Variants in COL7A1 observed in about 807,000 individuals in gnomAD.
COL7A1 encodes the protein collagen type VII alpha 1 chain.
Under a neutral mutation model 456.2 loss-of-function variants are expected in COL7A1, and 296 were observed. The ratio of observed to expected loss-of-function variants is 0.65; its 90% CI spans 0.59 to 0.71. The LOEUF (loss-of-function observed/expected upper bound fraction) is 0.71, where lower values mean the gene tolerates loss of function less well. Ranked by LOEUF, COL7A1 falls within the 30% of genes least tolerant of loss-of-function variation. The pLI is 0.00. For synonymous variants in COL7A1, 1,464 were observed against 1,525.9 expected, an observed-to-expected ratio of 0.96 and a Z score of 0.95; for missense variants, 3,441 against 4,017.2, an observed-to-expected ratio of 0.86 and a Z score of 3.88.
rs1362743434 is a variant in COL7A1, at chr3:48,590,254, C to T, written c.2009G>A (p.Gly670Asp). The change falls in exon 16 of 119, where the codon GGC becomes GAC. Residue 670 changes from glycine (G) to aspartate (D), a missense_variant. This residue lies in a region of COL7A1 where 913 missense variants were observed against 1,088.2 expected (regional missense o/e 0.84). Transcript: ENST00000681320. The surrounding 1 kb of genome is among the most constrained non-coding windows in gnomAD (Gnocchi z 4.6). ...GACTGCAGCAGGGCCCTCCTCTCTG[C>T]CTCGCAGTACCGACACAGCCACCTG... ...TYQVAVSVLR[G>D]REEGPAAVIV... The T allele has an allele frequency of 1.2e-6, 2 of 1,613,900 alleles. No homozygotes were observed. The highest frequency in any genetic ancestry group is 1.7e-6 in the Non-Finnish European group (2 of 1,179,990).
chr3:48,567,830 C>T lies in COL7A1; in HGVS notation c.7929+8G>A, dbSNP rs750956651. The T allele has an allele frequency of 1.9e-6, 3 of 1,614,062 alleles. No homozygotes were observed. Among genetic ancestry groups the T allele is most frequent in the African/African-American group, 1.3e-5 (1 of 74,910 alleles). ...CACGTAGCCCCCCAGCCCCCATCCCCTCTGTACCTTGTCTCCCTTCTCTCC... is the reference window on the plus strand; with the variant it reads ...CACGTAGCCCCCCAGCCCCCATCCCTTCTGTACCTTGTCTCCCTTCTCTCC... On this transcript the variant is annotated splice_region_variant and intron_variant, in intron 107 of 118. Transcript: ENST00000681320. This position sits in a 1 kb window ranked among gnomAD's most constrained non-coding sequence, Gnocchi z 4.3.
rs2043678699 is a variant in COL7A1 at position 48,567,877 on chromosome 3, C to A, written c.7890G>T (p.Val2630=). 1.2e-6 allele frequency: 2 copies of A among 1,614,152 alleles called. No individual in the cohort carries two copies. Among genetic ancestry groups the A allele is most frequent in the South Asian group, 2.2e-5 (2 of 91,086 alleles). ...CTCCATCAAGGCCACAGGCTCCCTTCACTCCCCGTTCACCCTGAGGGAGAA... is the reference window on the plus strand; with the variant it reads ...CTCCATCAAGGCCACAGGCTCCCTTAACTCCCCGTTCACCCTGAGGGAGAA... ...GPRGLKGERG[V]KGACGLDGEK... is the part of the protein sequence containing the mutation. Residue 2630 remains valine (V), a synonymous_variant, in exon 107 of 119, where the codon GTG becomes GTT. Transcript: ENST00000681320. This position sits in a 1 kb window ranked among gnomAD's most constrained non-coding sequence, Gnocchi z 4.3.
rs946311662 is a variant in COL7A1, at chr3:48,592,412, C to G, written c.1032G>C (p.Leu344=). The change falls in exon 9 of 119, where the codon CTG becomes CTC. Residue 344 remains leucine (L), a synonymous_variant. Transcript: ENST00000681320. The surrounding 1 kb of genome is among the most constrained non-coding windows in gnomAD (Gnocchi z 7.6). ...CACCTGGCACACTCCGCCAGGCCAC[C>G]AGGAGGCTGTGGGCTGTGGTATTCT... ...TIQNTTAHSL[L]VAWRSVPGAT... is the part of the protein sequence containing the mutation. 4.3e-6 allele frequency: 7 copies of G among 1,613,794 alleles called. No individual in the cohort carries two copies. Among genetic ancestry groups the G allele is most frequent in the Non-Finnish European group, 3.4e-6 (4 of 1,180,050 alleles).
chr3:48,584,233 G>T, intron 37 of COL7A1, 65 bp downstream of exon 37: 2 of 1,540,826 alleles, frequency 1.3e-6, no homozygotes, highest in East Asian at 4.8e-5. Context: ...TAACTGGCAG[G>T]GGTTATGTGG....
Position 48,566,053 on chromosome 3 carries a change from T to G in COL7A1, c.8407+214A>C, listed in dbSNP as rs895483886. 6.6e-6 allele frequency among the ~76,000 whole-genome samples: 1 copy of G among 152,114 alleles called. No homozygotes were observed. The highest frequency in any genetic ancestry group is 1.5e-5 in the Non-Finnish European group (1 of 68,016). On this transcript the variant is annotated intron_variant, in intron 114 of 118. Coordinates refer to ENST00000681320, the MANE Select transcript of COL7A1 (RefSeq NM_000094.4). The surrounding 1 kb of genome is among the most constrained non-coding windows in gnomAD (Gnocchi z 5.9). ...ACTCCCCACACAGCCAAGCTGGACA[T>G]CTGAGAGCACTGCATGGCAATCCTC...
At position 48,569,891 on chromosome 3, in the gene COL7A1, G is replaced by A. The variant is rs201897441; in HGVS notation, c.7510C>T (p.Arg2504Cys). ...CCCCACGTTCCTACCTTCTCCCCAC[G>A]CTCTCCCCTGCTGCCAGGGGGCCCC... ...LTGPPGSRGERGEKGDVGSAG... is the reference protein window; with the variant it reads ...LTGPPGSRGECGEKGDVGSAG... Residue 2504 changes from arginine (R) to cysteine (C), a missense_variant, in exon 100 of 119, where the codon CGT becomes TGT. Arg to Cys is a radical substitution (Grantham distance 180). Coordinates refer to ENST00000681320, the MANE Select transcript of COL7A1 (RefSeq NM_000094.4). The surrounding 1 kb of genome is among the most constrained non-coding windows in gnomAD (Gnocchi z 4.9). 1.3e-4 allele frequency: 211 copies of A among 1,613,982 alleles called. No homozygotes were observed. Among genetic ancestry groups the A allele is most frequent in the Middle Eastern group, 3.3e-4 (2 of 6,084 alleles).
chr3:48,586,297 T>C lies in COL7A1; in HGVS notation c.3550+35A>G. 1 of 1,613,724 alleles carries C rather than the reference T, an allele frequency of 6.2e-7. No individual in the cohort carries two copies. On this transcript the variant is annotated intron_variant, in intron 27 of 118. Transcript: ENST00000681320. The surrounding 1 kb of genome is among the most constrained non-coding windows in gnomAD (Gnocchi z 5.1). ...GATAGCCTTTTCAGGGCCACCCCTA[T>C]TCCCAGACCCCTTCCCCATCAGCCT...
In COL7A1 at chr3:48,573,086, G is replaced by A. The variant is rs1367189637; in HGVS notation, c.6715-30C>T. On this transcript the variant is annotated intron_variant, in intron 85 of 118. Coordinates refer to ENST00000681320, the MANE Select transcript of COL7A1 (RefSeq NM_000094.4). The surrounding 1 kb of genome is among the most constrained non-coding windows in gnomAD (Gnocchi z 5.5). ...CGGAGAACAAGTCGGATGTCAGGGTGACAATGGACACAGGACGACATGAGA... is the reference window on the plus strand; with the variant it reads ...CGGAGAACAAGTCGGATGTCAGGGTAACAATGGACACAGGACGACATGAGA... The A allele has an allele frequency of 1.9e-5, 30 of 1,614,146 alleles. No homozygotes were observed. The highest frequency in any genetic ancestry group is 2.5e-5 in the Non-Finnish European group (30 of 1,180,030).
rs1268452265 is a variant in COL7A1, at chr3:48,565,208, G to T, written c.8528-7C>A. ...TCCTCAGGGGGTACCCGCTCTGCAG[G>T]TAGGGCAGGGTGTGCTGGGAGCAGT... On this transcript the variant is annotated splice_polypyrimidine_tract_variant and splice_region_variant and intron_variant, in intron 116 of 118. Transcript: ENST00000681320. The surrounding 1 kb of genome is among the most constrained non-coding windows in gnomAD (Gnocchi z 4.5). 1 of 1,612,146 alleles carries T rather than the reference G, an allele frequency of 6.2e-7. No homozygotes were observed. Among genetic ancestry groups the T allele is most frequent in the East Asian group, 2.2e-5 (1 of 44,872 alleles).
rs368495251 is a variant in COL7A1, at chr3:48,566,955, T to A, written c.8178A>T (p.Pro2726=). 5 of 1,611,252 alleles carry A rather than the reference T, an allele frequency of 3.1e-6. No homozygotes were observed. In the African/African-American group the frequency reaches 5.4e-5, roughly 17 times the overall value. The stretch of plus-strand genomic sequence containing the variant: ...GGCCTCTGGGACCAACACTGCCAGG[T>A]GGCCCTGGGGGACCAGCAGAGCCAT... ...GNDGSAGPPG[P]PGSVGPRGPE... The change falls in exon 111 of 119, where the codon CCA becomes CCT. Residue 2726 remains proline (P), a synonymous_variant. Transcript: ENST00000681320. The surrounding 1 kb of genome is among the most constrained non-coding windows in gnomAD (Gnocchi z 5.9).
Position 48,592,655 on chromosome 3 carries a change from G to C in COL7A1, c.891C>G (p.Leu297=). ...TCACTTGGTACTCGGTCAGTGGCCG[G>C]AGACCCCGCAGCCGCACACTGGTCT... ...AGETSVRLRG[L]RPLTEYQVTV... Residue 297 remains leucine (L), a synonymous_variant, in exon 8 of 119, where the codon CTC becomes CTG. Coordinates refer to ENST00000681320, the MANE Select transcript of COL7A1 (RefSeq NM_000094.4). This position sits in a 1 kb window ranked among gnomAD's most constrained non-coding sequence, Gnocchi z 7.6. 1 of 1,613,824 alleles carries C rather than the reference G, an allele frequency of 6.2e-7. No individual in the cohort carries two copies. The highest frequency in any genetic ancestry group is 8.5e-7 in the Non-Finnish European group (1 of 1,179,984).
In COL7A1 at chr3:48,567,787, G is replaced by T. The variant is rs1429210867; in HGVS notation, c.7930-24C>A. 1 of 1,614,158 alleles carries T rather than the reference G, an allele frequency of 6.2e-7. No homozygotes were observed. Among genetic ancestry groups the T allele is most frequent in the Non-Finnish European group, 8.5e-7 (1 of 1,180,022 alleles). On this transcript the variant is annotated intron_variant, in intron 107 of 118. Coordinates refer to ENST00000681320, the MANE Select transcript of COL7A1 (RefSeq NM_000094.4). This position sits in a 1 kb window ranked among gnomAD's most constrained non-coding sequence, Gnocchi z 4.3. ...CCCTGCAGGCATCAGGCAGTGGGGT[G>T]AGCCTTAGGCCCCAGGCCACGTAGC... is the stretch of plus-strand genomic sequence containing the variant.
At position 48,592,702 on chromosome 3, in the gene COL7A1, G is replaced by T; in HGVS notation, c.847-3C>A. ...GTCTCACCAGCTGGGACGTTCACCT[G>T]CCCAGGGCAAGAGGTCACTTTATCT... On this transcript the variant is annotated splice_polypyrimidine_tract_variant and splice_region_variant and intron_variant, in intron 7 of 118. Coordinates refer to ENST00000681320, the MANE Select transcript of COL7A1 (RefSeq NM_000094.4). This position sits in a 1 kb window ranked among gnomAD's most constrained non-coding sequence, Gnocchi z 7.6. 6.2e-7 allele frequency: 1 copy of T among 1,613,668 alleles called. No homozygotes were observed. The highest frequency in any genetic ancestry group is 1.3e-5 in the African/African-American group (1 of 75,060).
chr3:48,569,224 TC>T lies in COL7A1; in HGVS notation c.7686+150del. On this transcript the variant is annotated intron_variant, in intron 103 of 118. Coordinates refer to ENST00000681320, the MANE Select transcript of COL7A1 (RefSeq NM_000094.4). The surrounding 1 kb of genome is among the most constrained non-coding windows in gnomAD (Gnocchi z 4.9). ...GGCCTTGAGCCCTCCCTAGAGCCCCTCCTCTCGGCCACTCCATAGTCAGCCA... is the reference window on the plus strand; with the variant it reads ...GGCCTTGAGCCCTCCCTAGAGCCCCTCTCTCGGCCACTCCATAGTCAGCCA... 1.1e-6 allele frequency: 1 copy of T among 951,522 alleles called. No individual in the cohort carries two copies. Among genetic ancestry groups the T allele is most frequent in the Non-Finnish European group, 1.7e-6 (1 of 604,424 alleles). The allele number at this position is 951,522 out of a possible 1,614,324, so 58.9% of individuals were successfully genotyped here.
Position 48,567,740 on chromosome 3 carries a change from G to T in COL7A1, c.7953C>A (p.Arg2651=), listed in dbSNP as rs758039219. 3.7e-6 allele frequency: 6 copies of T among 1,614,092 alleles called. No individual in the cohort carries two copies. Among genetic ancestry groups the T allele is most frequent in the Non-Finnish European group, 5.1e-6 (6 of 1,180,012 alleles). ...CTCCTTTGTGTCCTGCCAGCCCGGG[G>T]CGGCCTGGGGGACCAGCTTCTCCCT... ...GDKGEAGPPG[R]PGLAGHKGEM... The change falls in exon 108 of 119, where the codon CGC becomes CGA. Residue 2651 remains arginine, a synonymous_variant. Transcript: ENST00000681320. The surrounding 1 kb of genome is among the most constrained non-coding windows in gnomAD (Gnocchi z 4.3).
At position 48,585,843 on chromosome 3, in the gene COL7A1, T is replaced by C. The variant is rs1347845685; in HGVS notation, c.3773A>G (p.Glu1258Gly). The C allele has an allele frequency of 2.5e-6, 4 of 1,613,938 alleles. No homozygotes were observed. The East Asian group carries it at 8.9e-5, about 36-fold the overall frequency. ...AGGGGCACTCACCATCTCTCCAGGT[T>C]CCCCCTTCTGGCCCTGGGGAAAGAC... ...PVYCPKGQKG[E>G]PGEMGLRGQV... is the part of the protein sequence containing the mutation. Residue 1258 changes from glutamate (E) to glycine (G), a missense_variant, in exon 30 of 119, where the codon GAA (glutamate) becomes GGA (glycine). Glu to Gly is a moderately conservative substitution (Grantham distance 98). Around this residue, in one of 3 missense-constraint regions of COL7A1, gnomAD observed 2,084 missense variants for 2,501.3 expected, o/e 0.83. Coordinates refer to ENST00000681320, the MANE Select transcript of COL7A1 (RefSeq NM_000094.4). This position sits in a 1 kb window ranked among gnomAD's most constrained non-coding sequence, Gnocchi z 4.5.
In COL7A1 at chr3:48,574,742, G is replaced by C; in HGVS notation, c.6349-21C>G. 6.2e-7 allele frequency: 1 copy of C among 1,613,980 alleles called. No homozygotes were observed. ...TCCCCCTGTGGGGATGAGATGTCAA[G>C]TCAGTCCCTAGTGCCATGGCAGAGG... On this transcript the variant is annotated intron_variant, in intron 77 of 118. Coordinates refer to ENST00000681320, the MANE Select transcript of COL7A1 (RefSeq NM_000094.4). This position sits in a 1 kb window ranked among gnomAD's most constrained non-coding sequence, Gnocchi z 5.0.
Position 48,594,353 on chromosome 3 carries a change from A to G in COL7A1, c.266+15T>C. On this transcript the variant is annotated intron_variant, in intron 3 of 118. Coordinates refer to ENST00000681320, the MANE Select transcript of COL7A1 (RefSeq NM_000094.4). The surrounding 1 kb of genome is among the most constrained non-coding windows in gnomAD (Gnocchi z 5.5). ...GGGGATCTCGTGGTCCCCAGCCCCC[A>G]GGGCCCCTACTCACCGTGGGTCATC... 1 of 1,603,526 alleles carries G rather than the reference A, an allele frequency of 6.2e-7. No individual in the cohort carries two copies. Among genetic ancestry groups the G allele is most frequent in the Non-Finnish European group, 8.5e-7 (1 of 1,177,922 alleles).
chr3:48,585,119 G>A lies in COL7A1; in HGVS notation c.3895-3C>T, dbSNP rs1287174894. On this transcript the variant is annotated splice_region_variant and splice_polypyrimidine_tract_variant and intron_variant, in intron 32 of 118. Transcript: ENST00000681320. The surrounding 1 kb of genome is among the most constrained non-coding windows in gnomAD (Gnocchi z 4.5). ...CGCCCATCTGCTCCAGGGAAGCCCT[G>A]AGGAGGTGAAGAGGTCAGGACAGGA... The A allele has an allele frequency of 6.2e-7, 1 of 1,611,060 alleles. No individual in the cohort carries two copies. The highest frequency in any genetic ancestry group is 1.3e-5 in the African/African-American group (1 of 74,984).
Sources: allele counts gnomAD v4.1 joint callset (sites outside exome capture counted in the v4.1 genomes callset), GRCh38; gene constraint gnomAD v4.1.1; regional missense constraint gnomAD v4.1.1; non-coding constraint Gnocchi (gnomAD v3.1); transcripts MANE v1.5; gene names NCBI Gene and HGNC (gene_info 2026-07-23, HGNC 2026-07-21).